Variants in C12orf60 observed in about 807,000 individuals in gnomAD.
The protein encoded by C12orf60 is uncharacterized protein C12orf60.
For missense variants in C12orf60, 284 were observed against 283.2 expected (o/e 1.00, Z -0.02); for synonymous variants, 102 against 94.6 (o/e 1.08, Z -0.45).
intron 1 of C12orf60, among the ~76,000 whole-genome samples, chr12:14,809,314 A>G (rs910039730): frequency 1.3e-5 from 2 of 152,184 alleles, no homozygotes; most frequent in Admixed American, 1.3e-4. Flanking sequence ...GCACAACTTC[A>G]CGAATTAATC....
intron 1 of C12orf60, among the ~76,000 whole-genome samples, chr12:14,809,794 CA>C (rs58400957): frequency 6.6e-6 from 1 of 151,466 alleles, no homozygotes; most frequent in African/African-American, 2.4e-5. Flanking sequence ...GGAGAGAATG[CA>C]AAAAAAGTAT....
rs1950347874 is a variant in C12orf60, at chr12:14,824,393, A to G, written c.*720A>G. On this transcript the variant is annotated 3_prime_UTR_variant, in exon 2 of 2. Transcript: ENST00000330828. ...GAGATGTGCTTTATTTAAAGAAATG[A>G]GATAGGGCAGTCTCTTTGTCTACCA... 6.6e-6 allele frequency: 1 copy of G among 152,242 alleles called. No homozygotes were observed. Among genetic ancestry groups the G allele is most frequent in the Admixed American group, 6.5e-5 (1 of 15,288 alleles). 9.4% of individuals were successfully genotyped at this position (152,242 alleles called of 1,614,324 possible).
chr12:14,820,911 A>T (rs183687366), intron 1 of C12orf60, among the ~76,000 whole-genome samples: 57 of 152,222 alleles, frequency 3.7e-4, no homozygotes, highest in African/African-American at 1.3e-3. Flanking sequence ...TTTATCTATA[A>T]ATATTTCATA....
chr12:14,818,823 G>T (rs374159697), intron 1 of C12orf60, among the ~76,000 whole-genome samples: 4 of 151,958 alleles, frequency 2.6e-5, no homozygotes, highest in African/African-American at 9.7e-5. Context: ...CACATTTGTG[G>T]GTCTTTTTCT....
At chr12:14,817,488 A>G (rs1363704316) in intron 1 of C12orf60, among the ~76,000 whole-genome samples, 1 of 150,188 alleles carries the variant, frequency 6.7e-6, no homozygotes, top group East Asian at 2.0e-4. Flanking sequence ...CTCGCCCCCC[A>G]CTCCTCAACT....
At chr12:14,804,443 T>C (rs1028297106) in intron 1 of C12orf60, among the ~76,000 whole-genome samples, 18 of 152,234 alleles carry the variant, frequency 1.2e-4, no homozygotes, top group African/African-American at 4.1e-4. Context: ...TTTCAAAATA[T>C]TGATGGAGAT....
At chr12:14,804,366 T>A (rs1175999869) in intron 1 of C12orf60, among the ~76,000 whole-genome samples, 1 of 152,204 alleles carries the variant, frequency 6.6e-6, no homozygotes, top group Non-Finnish European at 1.5e-5. Context: ...AGGATACGCT[T>A]GGTTATTTCT....
chr12:14,809,869 G>A (rs1434850255), intron 1 of C12orf60, among the ~76,000 whole-genome samples: 1 of 152,150 alleles, frequency 6.6e-6, no homozygotes, highest in East Asian at 1.9e-4. Context: ...CCTGAACAGA[G>A]TACAAAAAAT....
At chr12:14,817,554 C>T (rs563219501) in intron 1 of C12orf60, among the ~76,000 whole-genome samples, 107 of 152,292 alleles carry the variant, frequency 7.0e-4, no homozygotes, top group African/African-American at 2.3e-3. Flanking sequence ...TTGTTCAACT[C>T]CCACTTATGA....
At position 14,822,951 on chromosome 12, in the gene C12orf60, G is replaced by C; in HGVS notation, c.16G>C (p.Glu6Gln). The C allele has an allele frequency of 6.3e-7, 1 of 1,578,814 alleles. No homozygotes were observed. The highest frequency in any genetic ancestry group is 8.6e-7 in the Non-Finnish European group (1 of 1,159,830). ...TGTTGGAGAAATGTCTTCAGAGTCA[G>C]AAAAGGATAAAGAGAGACTGATTCA... MSSESEKDKERLIQAA... is the reference protein window; with the variant it reads MSSESQKDKERLIQAA... Residue 6 changes from glutamate to glutamine, a missense_variant, in exon 2 of 2, where the codon GAA becomes CAA. Physicochemically the swap from Glu to Gln is conservative, Grantham distance 29. Transcript: ENST00000330828.
chr12:14,806,797 A>G (rs1420775812), intron 1 of C12orf60: 2 of 1,052,352 alleles, frequency 1.9e-6, no homozygotes, highest in Non-Finnish European at 2.7e-6. Context: ...ATAGCAAAGA[A>G]GCAAGATGCT....
chr12:14,810,365 A>G (rs1221633263), intron 1 of C12orf60, among the ~76,000 whole-genome samples: 1 of 152,240 alleles, frequency 6.6e-6, no homozygotes, highest in African/African-American at 2.4e-5. Context: ...TGTTTTGGAC[A>G]GGTGAAGTTT....
At chr12:14,805,938 A>G in intron 1 of C12orf60, 1 of 1,466,172 alleles carries the variant, frequency 6.8e-7, no homozygotes, top group Non-Finnish European at 9.2e-7. Flanking sequence ...AACCTAATCA[A>G]AGAAGCAAAC....
intron 1 of C12orf60, chr12:14,806,272 C>T: frequency 6.2e-7 from 1 of 1,614,214 alleles, no homozygotes; most frequent in East Asian, 2.2e-5. Context: ...ACATTTGAGC[C>T]CACAAGTTTA....
intron 1 of C12orf60, 29 bp downstream of exon 1, chr12:14,803,780 TTCTGCAGA>T (rs1279766959): frequency 6.2e-6 from 2 of 323,576 alleles, no homozygotes; most frequent in Non-Finnish European, 1.1e-5. Context: ...GAACGGTACA[TTCTGCAGA>T]TAAAGAAGCG....
intron 1 of C12orf60, among the ~76,000 whole-genome samples, chr12:14,821,860 C>A (rs1225346768): frequency 6.6e-6 from 1 of 151,782 alleles, no homozygotes; most frequent in East Asian, 1.9e-4. Flanking sequence ...CTACCACCAT[C>A]CCTGCACCAC....
chr12:14,823,070 C>T lies in C12orf60; in HGVS notation c.135C>T (p.Ile45=), dbSNP rs747709440. Reference sequence around the variant, plus strand: ...TTAGCCGCAGTATGAATACTCAAATCCTTTTGATGGCTGTGAAAAACAATA... The same window carrying T: ...TTAGCCGCAGTATGAATACTCAAATTCTTTTGATGGCTGTGAAAAACAATA... ...ELFSRSMNTQ[I]LLMAVKNNSY... is the part of the protein sequence containing the mutation. The change falls in exon 2 of 2, where the codon ATC becomes ATT. Residue 45 remains isoleucine (I), a synonymous_variant. Coordinates refer to ENST00000330828, the MANE Select transcript of C12orf60 (RefSeq NM_175874.4). The T allele has an allele frequency of 1.2e-6, 2 of 1,614,098 alleles. No homozygotes were observed. Among genetic ancestry groups the T allele is most frequent in the Admixed American group, 3.3e-5 (2 of 60,026 alleles).
chr12:14,807,800 G>C (rs913693327), intron 1 of C12orf60, among the ~76,000 whole-genome samples: 1 of 152,126 alleles, frequency 6.6e-6, no homozygotes, highest in African/African-American at 2.4e-5. Context: ...AGTCTAAATA[G>C]TATCGCACTT....
At chr12:14,813,390 A>G (rs1036973861) in intron 1 of C12orf60, among the ~76,000 whole-genome samples, 3 of 152,252 alleles carry the variant, frequency 2.0e-5, no homozygotes, top group African/African-American at 7.2e-5. Flanking sequence ...GCTTCTAACT[A>G]GTTCTGAGTC....
Sources: allele counts gnomAD v4.1 joint callset (sites outside exome capture counted in the v4.1 genomes callset), GRCh38; gene constraint gnomAD v4.1.1; transcripts MANE v1.5; gene names NCBI Gene and HGNC (gene_info 2026-07-23, HGNC 2026-07-21).